The following CCDC6 variants were observed in gnomAD, a reference collection of about 807,000 sequenced individuals.
CCDC6 encodes coiled-coil domain-containing protein 6.
Under a neutral mutation model 56.6 loss-of-function variants are expected in CCDC6, and 20 were observed. That is an observed-to-expected ratio of 0.35 (90% CI 0.25 to 0.51). The LOEUF is 0.51. Ranked by LOEUF, CCDC6 falls within the 20% of genes least tolerant of loss-of-function variation. CCDC6 has a pLI of 0.95. For missense variants in CCDC6, 367 were observed against 601.1 expected (o/e 0.61, Z 4.07); for synonymous variants, 241 against 234.4 (o/e 1.03, Z -0.26).
At chr10:59,812,858 T>A in intron 4 of CCDC6, 63 bp from the exon 5 acceptor site, 1 of 1,233,858 alleles carries the variant, frequency 8.1e-7, no homozygotes, top group Admixed American at 2.0e-5. Context: ...CAAAACAACA[T>A]ACTAGCTGGC....
chr10:59,841,675 G>GTT (rs1554884674), intron 2 of CCDC6, among the ~76,000 whole-genome samples: 9 of 138,686 alleles, frequency 6.5e-5, no homozygotes, highest in South Asian at 2.5e-4. Flanking sequence ...TTTTTTGTTT[G>GTT]TTTTTTTTTT....
chr10:59,905,986 A>G, intron 1 of CCDC6, 136 bp downstream of exon 1: 4 of 735,734 alleles, frequency 5.4e-6, no homozygotes, highest in Non-Finnish European at 8.6e-6. Context: ...GGAAGCCAGC[A>G]GGTCCCCGCA....
chr10:59,846,808 A>G (rs758730697), intron 2 of CCDC6, among the ~76,000 whole-genome samples: 3 of 152,222 alleles, frequency 2.0e-5, no homozygotes, highest in Non-Finnish European at 2.9e-5. Flanking sequence ...GTTGTAATCT[A>G]TGGTTAAAAA....
chr10:59,902,537 G>A (rs1307230531), intron 1 of CCDC6, among the ~76,000 whole-genome samples: 2 of 152,036 alleles, frequency 1.3e-5, no homozygotes, highest in African/African-American at 2.4e-5. Flanking sequence ...GGGATTACAG[G>A]CATGCAACAC....
rs193139345 is a variant in CCDC6 at position 59,789,632 on chromosome 10, A to G, written c.*3285T>C. 3.3e-3 allele frequency: 749 copies of G among 227,266 alleles called. 22 individuals are homozygous for G. The Admixed American group carries it at 0.04, about 12-fold the overall frequency. 14.1% of individuals were successfully genotyped at this position (227,266 alleles called of 1,614,324 possible). A position where few individuals can be genotyped will look rare whatever the true frequency, so the allele number is the denominator to read the frequency against. ...GTATTTCTTTGGTAGTCATCACTAC[A>G]AAGTTTTCAGTGTTGGTTACCTATA... is the stretch of plus-strand genomic sequence containing the variant. On this transcript the variant is annotated 3_prime_UTR_variant, in exon 9 of 9. Transcript: ENST00000263102.
intron 1 of CCDC6, among the ~76,000 whole-genome samples, chr10:59,877,739 AGAAAG>A (rs2071296897): frequency 6.6e-6 from 1 of 152,232 alleles, no homozygotes; most frequent in Non-Finnish European, 1.5e-5. Context: ...AAGAGATGCC[AGAAAG>A]GAAAAGACAC....
At chr10:59,799,842 C>T (rs781029291) in intron 7 of CCDC6, among the ~76,000 whole-genome samples, 3 of 152,220 alleles carry the variant, frequency 2.0e-5, no homozygotes, top group South Asian at 2.1e-4. Context: ...GCTTTAGATT[C>T]CTGAGCTGTT....
At chr10:59,894,932 G>A (rs1261070436) in intron 1 of CCDC6, among the ~76,000 whole-genome samples, 2 of 152,192 alleles carry the variant, frequency 1.3e-5, no homozygotes, top group Admixed American at 1.3e-4. Flanking sequence ...TGTGGCAAAG[G>A]AGCAGCCCTG....
At chr10:59,829,535 G>A (rs75149165) in intron 3 of CCDC6, among the ~76,000 whole-genome samples, 3,086 of 152,148 alleles carry the variant, frequency 0.02, 106 homozygotes, top group African/African-American at 0.068. Flanking sequence ...TCCATCAAAC[G>A]ATAAATGGAT....
chr10:59,900,230 C>G (rs3793867), intron 1 of CCDC6, among the ~76,000 whole-genome samples: 1 of 151,788 alleles, frequency 6.6e-6, no homozygotes, highest in South Asian at 2.1e-4. Flanking sequence ...TATGGAACCA[C>G]GGAAGTAGGT....
At chr10:59,886,814 CA>C (rs2071386083) in intron 1 of CCDC6, among the ~76,000 whole-genome samples, 1 of 152,102 alleles carries the variant, frequency 6.6e-6, no homozygotes, top group South Asian at 2.1e-4. Flanking sequence ...TCCCCAAAGA[CA>C]AACAAGAAAG....
rs2071372596 is a variant in CCDC6, at chr10:59,885,086, GAAAGA to G, written c.303+21031_303+21035del. The stretch of plus-strand genomic sequence containing the variant: ...AACAACAACAACAACAGAAAGAAAG[GAAAGA>G]AAGGAAGGAAGGAAGGAAGAAAAGA... On this transcript the variant is annotated intron_variant, in intron 1 of 8. Transcript: ENST00000263102. Among the ~76,000 whole-genome samples the G allele has an allele frequency of 2.0e-5, 3 of 151,042 alleles. No individual in the cohort carries two copies. The South Asian group carries it at 6.3e-4, about 32-fold the overall frequency.
chr10:59,880,430 T>C (rs2071323181), intron 1 of CCDC6, among the ~76,000 whole-genome samples: 1 of 152,136 alleles, frequency 6.6e-6, no homozygotes. Flanking sequence ...AGAAAGACAT[T>C]AAACACTTAA....
chr10:59,867,083 T>C (rs1462333783), intron 1 of CCDC6, among the ~76,000 whole-genome samples: 3 of 152,180 alleles, frequency 2.0e-5, no homozygotes, highest in Admixed American at 6.5e-5. Context: ...CAGCAAGCTT[T>C]TGTAGGGTAA....
In CCDC6 at chr10:59,858,522, A is replaced by G. The variant is rs151146953; in HGVS notation, c.304-5820T>C. Among the ~76,000 whole-genome samples the G allele has an allele frequency of 2.2e-3, 342 of 152,308 alleles. 2 individuals carry two copies. Among genetic ancestry groups the G allele is most frequent in the African/African-American group, 7.9e-3 (327 of 41,564 alleles). ...CCAAAGAGTGACTTTCTGGATAAGA[A>G]TTCTTAAGTTACTAAATTTTACCAA... On this transcript the variant is annotated intron_variant, in intron 1 of 8. Coordinates refer to ENST00000263102, the MANE Select transcript of CCDC6 (RefSeq NM_005436.5).
At chr10:59,833,935 C>A (rs1449789499) in intron 2 of CCDC6, among the ~76,000 whole-genome samples, 1 of 152,124 alleles carries the variant, frequency 6.6e-6, no homozygotes, top group Non-Finnish European at 1.5e-5. Context: ...GACCCAGAAC[C>A]CCAAACCAGT....
intron 1 of CCDC6, among the ~76,000 whole-genome samples, chr10:59,863,948 C>T (rs1411866776): frequency 6.6e-6 from 1 of 152,148 alleles, no homozygotes; most frequent in East Asian, 1.9e-4. Context: ...CAAATATCAT[C>T]TCTAATATAG....
chr10:59,852,191 C>G (rs952597649), intron 2 of CCDC6, among the ~76,000 whole-genome samples: 33 of 152,080 alleles, frequency 2.2e-4, no homozygotes, highest in African/African-American at 7.5e-4. Context: ...CCTATGACTG[C>G]CAAAAAGTTT....
chr10:59,855,261 C>CT (rs1431923039), intron 1 of CCDC6, among the ~76,000 whole-genome samples: 1 of 152,168 alleles, frequency 6.6e-6, no homozygotes, highest in African/African-American at 2.4e-5. Flanking sequence ...AAAGAACTTT[C>CT]GGTAGAAAGT....
Sources: allele counts gnomAD v4.1 joint callset (sites outside exome capture counted in the v4.1 genomes callset), GRCh38; gene constraint gnomAD v4.1.1; transcripts MANE v1.5; gene names NCBI Gene and HGNC (gene_info 2026-07-23, HGNC 2026-07-21).